Variants in RSU1 observed in about 807,000 individuals in gnomAD.
RSU1 encodes rsu-1.
In RSU1, 26 loss-of-function variants were observed where a neutral mutation model predicts 31.1. The ratio of observed to expected loss-of-function variants is 0.84; its 90% CI spans 0.61 to 1.16. The LOEUF is 1.16. Ranked by LOEUF, RSU1 falls within the 50% of genes most tolerant of loss-of-function variation. The pLI is 0.00. For missense variants in RSU1, 320 were observed against 339.1 expected, an observed-to-expected ratio of 0.94 and a Z score of 0.44; for synonymous variants, 164 against 136.3, an observed-to-expected ratio of 1.20 and a Z score of -1.41.
At chr10:16,622,352 G>A (rs1834084480) in intron 8 of RSU1, among the ~76,000 whole-genome samples, 1 of 152,152 alleles carries the variant, frequency 6.6e-6, no homozygotes, top group African/African-American at 2.4e-5. Context: ...AGAGAACTGT[G>A]CTTGTAACAA....
intron 7 of RSU1, among the ~76,000 whole-genome samples, chr10:16,715,392 G>T (rs1836120170): frequency 6.6e-6 from 1 of 152,150 alleles, no homozygotes; most frequent in South Asian, 2.1e-4. Context: ...CCAACGTCTT[G>T]AAGATTTTAT....
At chr10:16,782,911 CT>C (rs200836954) in intron 2 of RSU1, among the ~76,000 whole-genome samples, 27,861 of 146,768 alleles carry the variant, frequency 0.19, 2,538 homozygotes, top group African/African-American at 0.22. Context: ...TAAATTTTTC[CT>C]ATTTTTTTTT....
At chr10:16,677,270 C>T (rs961935213) in intron 8 of RSU1, among the ~76,000 whole-genome samples, 4 of 152,134 alleles carry the variant, frequency 2.6e-5, no homozygotes, top group Non-Finnish European at 5.9e-5. Context: ...TCCGTTTTCT[C>T]GTCTGAAAGC....
At chr10:16,622,747 C>T (rs1224933707) in intron 8 of RSU1, among the ~76,000 whole-genome samples, 20 of 152,178 alleles carry the variant, frequency 1.3e-4, no homozygotes, top group Admixed American at 1.3e-3. Context: ...AGGATCCTTG[C>T]CCTTGAGGTG....
intron 8 of RSU1, among the ~76,000 whole-genome samples, chr10:16,618,566 G>A (rs1352568242): frequency 1.3e-5 from 2 of 152,132 alleles, no homozygotes; most frequent in Non-Finnish European, 2.9e-5. Flanking sequence ...GCAAAGACTT[G>A]GAACCAACCC....
intron 2 of RSU1, among the ~76,000 whole-genome samples, chr10:16,808,485 G>GAAAAAAAAAAAAAAAA (rs34449677): frequency 1.1e-5 from 1 of 89,616 alleles, no homozygotes; most frequent in Non-Finnish European, 2.3e-5. Flanking sequence ...CTCCATTTAA[G>GAAAAAAAAAAAAAAAA]AAAAAAAAAA....
chr10:16,735,519 C>G (rs1473373254), intron 7 of RSU1, among the ~76,000 whole-genome samples: 3 of 152,136 alleles, frequency 2.0e-5, no homozygotes, highest in Admixed American at 1.3e-4. Flanking sequence ...AATAGAAATG[C>G]TTCTAGATAT....
intron 8 of RSU1, among the ~76,000 whole-genome samples, chr10:16,629,069 G>A (rs1006756907): frequency 2.6e-5 from 4 of 152,132 alleles, no homozygotes; most frequent in Admixed American, 1.3e-4. Context: ...TGAAACTCAG[G>A]CTGTGTTCCT....
In RSU1 at chr10:16,733,981, T is replaced by C. The variant is rs148433495; in HGVS notation, c.598+18558A>G. Among the ~76,000 whole-genome samples the C allele has an allele frequency of 1.4e-3, 209 of 152,364 alleles. 2 individuals are homozygous for C. Among genetic ancestry groups the C allele is most frequent in the African/African-American group, 4.7e-3 (197 of 41,596 alleles). ...AACAATGAACCTTTAACACTAACCATTGATCTTGCTAATTGCATCTGCCAC... is the reference window on the plus strand; with the variant it reads ...AACAATGAACCTTTAACACTAACCACTGATCTTGCTAATTGCATCTGCCAC... On this transcript the variant is annotated intron_variant, in intron 7 of 8. Coordinates refer to ENST00000345264, the MANE Select transcript of RSU1 (RefSeq NM_012425.4).
intron 8 of RSU1, among the ~76,000 whole-genome samples, chr10:16,644,284 T>A (rs987482908): frequency 6.6e-6 from 1 of 152,192 alleles, no homozygotes; most frequent in African/African-American, 2.4e-5. Context: ...AAGTTCATGT[T>A]TTCAAAGTGA....
intron 2 of RSU1, among the ~76,000 whole-genome samples, chr10:16,808,502 A>C (rs1178236696): frequency 6.6e-6 from 1 of 150,878 alleles, no homozygotes; most frequent in Non-Finnish European, 1.5e-5. Context: ...AAAAAAAAAA[A>C]AAAACAAAGT....
intron 3 of RSU1, among the ~76,000 whole-genome samples, chr10:16,769,622 CT>C (rs1837382650): frequency 6.6e-6 from 1 of 152,130 alleles, no homozygotes; most frequent in African/African-American, 2.4e-5. Flanking sequence ...GCCTGAGACT[CT>C]GAATTTCCAA....
At chr10:16,631,638 C>T (rs1019646892) in intron 8 of RSU1, among the ~76,000 whole-genome samples, 1 of 152,214 alleles carries the variant, frequency 6.6e-6, no homozygotes, top group African/African-American at 2.4e-5. Context: ...ATTATGCTTA[C>T]AAGCCAGAAA....
Position 16,695,136 on chromosome 10 carries a change from G to GC in RSU1, c.617dup (p.Gln207ProfsTer29). 1 of 1,392,884 alleles carries GC rather than the reference G, an allele frequency of 7.2e-7. No individual in the cohort carries two copies. The highest frequency in any genetic ancestry group is 9.8e-7 in the Non-Finnish European group (1 of 1,024,434). 86.3% of individuals were successfully genotyped at this position (1,392,884 alleles called of 1,614,324 possible). On this transcript the variant is annotated frameshift_variant, in exon 8 of 9. Coordinates refer to ENST00000345264, the MANE Select transcript of RSU1 (RefSeq NM_012425.4). LOFTEE classifies it high-confidence loss of function. ...TCTCTGCTTTGAATACCTGCTTCTG[G>GC]CCAGTTAAATCCAAGTTTCCTGGGG... is the stretch of plus-strand genomic sequence containing the variant.
At chr10:16,704,757 T>G (rs77018349) in intron 7 of RSU1, among the ~76,000 whole-genome samples, 1 of 152,244 alleles carries the variant, frequency 6.6e-6, no homozygotes, top group Non-Finnish European at 1.5e-5. Context: ...TTCTTTTTGA[T>G]TAGTTTTTTT....
chr10:16,601,401 C>T (rs758125053), intron 8 of RSU1, among the ~76,000 whole-genome samples: 19 of 152,188 alleles, frequency 1.2e-4, no homozygotes, highest in Non-Finnish European at 1.9e-4. Context: ...ATGTATATTT[C>T]GGCAGAAAGG....
chr10:16,813,384 G>T (rs189509005), intron 2 of RSU1, among the ~76,000 whole-genome samples: 116 of 152,224 alleles, frequency 7.6e-4, no homozygotes, highest in African/African-American at 2.6e-3. Context: ...TTACCCAGTC[G>T]AGTTAACAAA....
intron 8 of RSU1, among the ~76,000 whole-genome samples, chr10:16,659,267 G>A (rs149580727): frequency 6.7e-6 from 1 of 149,616 alleles, no homozygotes; most frequent in Non-Finnish European, 1.5e-5. Context: ...TTGAGTTTGG[G>A]GTAAGAAACC....
At chr10:16,649,071 C>A (rs1343065155) in intron 8 of RSU1, among the ~76,000 whole-genome samples, 2 of 152,154 alleles carry the variant, frequency 1.3e-5, no homozygotes. Context: ...TTCACAAGAA[C>A]TTTATGAGCT....
Sources: allele counts gnomAD v4.1 joint callset (sites outside exome capture counted in the v4.1 genomes callset), GRCh38; gene constraint gnomAD v4.1.1; transcripts MANE v1.5; gene names NCBI Gene and HGNC (gene_info 2026-07-23, HGNC 2026-07-21).